NEIL2: variants seen among roughly 807,000 people sequenced by gnomAD.
NEIL2 encodes endonuclease 8-like 2.
Under a neutral mutation model 22.2 loss-of-function variants are expected in NEIL2, and 23 were observed. The observed-to-expected ratio is 1.04, with a 90% CI of 0.75 to 1.47. The LOEUF (loss-of-function observed/expected upper bound fraction) is 1.47, where lower values mean the gene tolerates loss of function less well. Among genes scored for constraint, NEIL2 ranks in the 40% most tolerant of loss-of-function variants. The pLI, the probability that NEIL2 is intolerant of heterozygous loss-of-function variation, is 0.00. For synonymous variants in NEIL2, 229 were observed against 164.8 expected (o/e 1.39, Z -2.99); for missense variants, 583 against 404.7 (o/e 1.44, Z -3.78).
At chr8:11,781,672 T>C (rs1272310440) in intron 3 of NEIL2, among the ~76,000 whole-genome samples, 1 of 152,242 alleles carries the variant, frequency 6.6e-6, no homozygotes, top group Non-Finnish European at 1.5e-5. Flanking sequence ...GTCTCTTTTC[T>C]CATGTACCTG....
rs771669239 is a variant in NEIL2, at chr8:11,783,191, C to G, written c.492-12C>G. The G allele has an allele frequency of 1.9e-6, 3 of 1,613,196 alleles. No homozygotes were observed. Among genetic ancestry groups the G allele is most frequent in the Admixed American group, 1.7e-5 (1 of 60,008 alleles). Reference sequence around the variant, plus strand: ...TAACGATGTGTACATATGACCTGTTCTTTCTTCCCAGGTTGGTCCTGCACT... The same window carrying G: ...TAACGATGTGTACATATGACCTGTTGTTTCTTCCCAGGTTGGTCCTGCACT... On this transcript the variant is annotated splice_polypyrimidine_tract_variant and intron_variant, in intron 3 of 4. Coordinates refer to ENST00000284503, the MANE Select transcript of NEIL2 (RefSeq NM_145043.4).
intron 2 of NEIL2, among the ~76,000 whole-genome samples, chr8:11,772,648 G>A (rs1803563861): frequency 2.0e-5 from 3 of 152,016 alleles, no homozygotes; most frequent in South Asian, 2.1e-4. Flanking sequence ...CAGAGGGCAG[G>A]GGCTGCTCCT....
At chr8:11,777,609 C>G (rs569505602) in intron 2 of NEIL2, among the ~76,000 whole-genome samples, 1 of 152,150 alleles carries the variant, frequency 6.6e-6, no homozygotes, top group Non-Finnish European at 1.5e-5. Flanking sequence ...CCCCAGATAC[C>G]TCATATCAGT....
At chr8:11,772,176 C>G (rs969286006) in intron 2 of NEIL2, among the ~76,000 whole-genome samples, 2 of 152,024 alleles carry the variant, frequency 1.3e-5, no homozygotes, top group Non-Finnish European at 1.5e-5. Flanking sequence ...GCACTCCAGC[C>G]TGGGTGACAG....
Position 11,783,396 on chromosome 8 carries a change from C to T in NEIL2, c.685C>T (p.Leu229=). ...TLLDQRYFSG[L]GNIIKNEALY... ...GCTGGACCAGAGATACTTCTCAGGG[C>T]TAGGTATGACTCATGGGAAAGGGGT... The change falls in exon 4 of 5, where the codon CTA becomes TTA. Residue 229 remains leucine, a synonymous_variant. Coordinates refer to ENST00000284503, the MANE Select transcript of NEIL2 (RefSeq NM_145043.4). 1 of 1,613,652 alleles carries T rather than the reference C, an allele frequency of 6.2e-7. No individual in the cohort carries two copies.
intron 3 of NEIL2, 197 bp from the exon 4 acceptor site, chr8:11,783,006 G>T: frequency 1.5e-6 from 1 of 656,714 alleles, no homozygotes; most frequent in Non-Finnish European, 2.8e-6. Context: ...GCATGATCCA[G>T]CCACAGAGTG....
At chr8:11,774,765 T>C (rs1263736537) in intron 2 of NEIL2, among the ~76,000 whole-genome samples, 2 of 152,132 alleles carry the variant, frequency 1.3e-5, no homozygotes, top group African/African-American at 4.8e-5. Flanking sequence ...ATGGGAGAAA[T>C]TGGCCAAAAC....
chr8:11,785,563 G>C (rs1375781990), intron 4 of NEIL2, among the ~76,000 whole-genome samples: 1 of 152,168 alleles, frequency 6.6e-6, no homozygotes, highest in East Asian at 1.9e-4. Flanking sequence ...GCGTCTTTTG[G>C]TGAATTCTCA....
chr8:11,774,770 C>G (rs7013933), intron 2 of NEIL2, among the ~76,000 whole-genome samples: 4,309 of 152,184 alleles, frequency 0.028, 193 homozygotes, highest in African/African-American at 0.098. Flanking sequence ...AGAAATTGGC[C>G]AAAACGAAGG....
chr8:11,774,239 G>A (rs970888931), intron 2 of NEIL2, among the ~76,000 whole-genome samples: 10 of 152,156 alleles, frequency 6.6e-5, no homozygotes, highest in African/African-American at 2.4e-4. Flanking sequence ...GCTGGGCATG[G>A]TGGTGGGCGC....
At chr8:11,780,852 T>G (rs4840585) in intron 3 of NEIL2, among the ~76,000 whole-genome samples, 8,278 of 152,318 alleles carry the variant, frequency 0.054, 319 homozygotes, top group Middle Eastern at 0.088. Flanking sequence ...CTAGCTGAGC[T>G]GAAATCTCAT....
intron 2 of NEIL2, among the ~76,000 whole-genome samples, chr8:11,772,659 C>T (rs1023534656): frequency 1.3e-5 from 2 of 152,184 alleles, no homozygotes; most frequent in Non-Finnish European, 2.9e-5. Flanking sequence ...GGCTGCTCCT[C>T]GCCAGTATTG....
intron 2 of NEIL2, among the ~76,000 whole-genome samples, chr8:11,776,243 T>TTA (rs1180062042): frequency 2.6e-5 from 4 of 152,310 alleles, no homozygotes; most frequent in Middle Eastern, 3.4e-3. Context: ...GAACTGCCCT[T>TTA]TATAAAACCA....
chr8:11,779,480 T>C (rs1028377649), intron 2 of NEIL2, 118 bp from the exon 3 acceptor site: 15 of 862,884 alleles, frequency 1.7e-5, no homozygotes, highest in Admixed American at 7.1e-5. Flanking sequence ...AAGACTTCAT[T>C]TGGGAAGGCC....
rs1427719794 is a variant in NEIL2, at chr8:11,771,459, G to A, written c.12G>A (p.Gly4=). The A allele has an allele frequency of 6.2e-7, 1 of 1,613,904 alleles. No individual in the cohort carries two copies. ...TTCTGCCCACAGGGATGCCAGAAGG[G>A]CCGTTGGTGAGGAAATTTCACCATT... MPE[G]PLVRKFHHLV... is the part of the protein sequence containing the mutation. The change falls in exon 2 of 5, where the codon GGG becomes GGA. Residue 4 remains glycine (G), a synonymous_variant. Transcript: ENST00000284503.
chr8:11,786,548 C>T lies in NEIL2; in HGVS notation c.*275C>T, dbSNP rs1447720345. Reference sequence around the variant, plus strand: ...GTGATGATGGGTAAGGGGAAAACTTCCCGGAAGGCAATGGGGCAAGGAAAA... The same window carrying T: ...GTGATGATGGGTAAGGGGAAAACTTTCCGGAAGGCAATGGGGCAAGGAAAA... On this transcript the variant is annotated 3_prime_UTR_variant, in exon 5 of 5. Coordinates refer to ENST00000284503, the MANE Select transcript of NEIL2 (RefSeq NM_145043.4). 1.9e-5 allele frequency: 10 copies of T among 516,260 alleles called. No homozygotes were observed. In the East Asian group the frequency reaches 3.6e-4, roughly 18 times the overall value. The allele number at this position is 516,260 out of a possible 1,614,324, so 32.0% of individuals were successfully genotyped here.
intron 2 of NEIL2, among the ~76,000 whole-genome samples, chr8:11,775,776 G>A (rs1803857518): frequency 6.6e-6 from 1 of 152,150 alleles, no homozygotes; most frequent in Non-Finnish European, 1.5e-5. Flanking sequence ...CAGTCTCTTA[G>A]CACAGCAAGA....
intron 3 of NEIL2, among the ~76,000 whole-genome samples, chr8:11,780,312 T>G (rs1226926832): frequency 6.6e-6 from 1 of 152,222 alleles, no homozygotes; most frequent in Admixed American, 6.5e-5. Flanking sequence ...ATTGTTTGTG[T>G]GTTTATTTTT....
chr8:11,776,671 C>G (rs1803928602), intron 2 of NEIL2, among the ~76,000 whole-genome samples: 4 of 152,156 alleles, frequency 2.6e-5, no homozygotes. Context: ...GTATGAGGAC[C>G]AATCCTTCCA....
Sources: gnomAD v4.1 joint callset for allele counts (sites outside exome capture counted in the v4.1 genomes callset) on GRCh38, gnomAD v4.1.1 for gene constraint, MANE v1.5 for transcripts, NCBI Gene and HGNC (gene_info 2026-07-23, HGNC 2026-07-21) for gene names.